ZMIZ2: variants seen among roughly 807,000 people sequenced by gnomAD.
ZMIZ2 encodes the protein zinc finger MIZ-type containing 2.
ZMIZ2 carries 26 observed loss-of-function variants against 93.9 expected under a neutral mutation model. That is an observed-to-expected ratio of 0.28 (90% confidence interval 0.20 to 0.38). ZMIZ2 has a LOEUF of 0.38. Among genes scored for constraint, ZMIZ2 ranks in the 10% least tolerant of loss-of-function variants. The probability of loss-of-function intolerance (pLI) is 1.00; values close to 1 mark genes in which losing one functional copy is unlikely to be tolerated. For synonymous variants in ZMIZ2, 485 were observed against 516.4 expected (o/e 0.94, Z 0.82); for missense variants, 1,023 against 1,235.0 (o/e 0.83, Z 2.57).
Position 44,765,714 on chromosome 7 carries a change from C to T in ZMIZ2, c.2242+135C>T, listed in dbSNP as rs1289429189. ...AGGTTATCAGTGTTGCCACACAAAA[C>T]ATGCCGCGGGGCACCTCCAGCCCCT... On this transcript the variant is annotated intron_variant, in intron 16 of 18. Transcript: ENST00000309315. This position sits in a 1 kb window ranked among gnomAD's most constrained non-coding sequence, Gnocchi z 4.1. 14 of 1,337,626 alleles carry T rather than the reference C, an allele frequency of 1.0e-5. No homozygotes were observed. Among genetic ancestry groups the T allele is most frequent in the Non-Finnish European group, 1.4e-5 (14 of 992,994 alleles). The allele number at this position is 1,337,626 out of a possible 1,614,324, so 82.9% of individuals were successfully genotyped here. A position where few individuals can be genotyped will look rare whatever the true frequency, so the allele number is the denominator to read the frequency against.
In ZMIZ2 at chr7:44,766,115, G is replaced by C. The variant is rs891602799; in HGVS notation, c.2243-49G>C. On this transcript the variant is annotated intron_variant, in intron 16 of 18. Transcript: ENST00000309315. This position sits in a 1 kb window ranked among gnomAD's most constrained non-coding sequence, Gnocchi z 4.4. ...AGCCTCCCTCCTGGCTCCTCTGCCA[G>C]CGGTGGCCTTCCCCAGCCCTCACCC... is the stretch of plus-strand genomic sequence containing the variant. The C allele has an allele frequency of 1.1e-5, 17 of 1,537,850 alleles. No homozygotes were observed. The highest frequency in any genetic ancestry group is 2.8e-5 in the African/African-American group (2 of 72,544).
chr7:44,767,423 C>T (rs948938492), intron 18 of ZMIZ2, 93 bp from the exon 19 acceptor site: 2 of 1,133,712 alleles, frequency 1.8e-6, no homozygotes, highest in African/African-American at 3.1e-5. Context: ...CCCACTGTGC[C>T]TGGAGACAGG....
chr7:44,762,782 C>T (rs1583648033), intron 11 of ZMIZ2, 99 bp from the exon 12 acceptor site: 1 of 833,890 alleles, frequency 1.2e-6, no homozygotes, highest in East Asian at 3.3e-5. Context: ...CCTCCCCCAC[C>T]TGGCAGCCCC....
In ZMIZ2 at chr7:44,767,709, C is replaced by T. The variant is rs915897427; in HGVS notation, c.*86C>T. ...TTCATGCCCAGCCCCATGGGACACC[C>T]GGTGGTCTTTCCCAAACCTCCCCCA... is the stretch of plus-strand genomic sequence containing the variant. On this transcript the variant is annotated 3_prime_UTR_variant, in exon 19 of 19. Transcript: ENST00000309315. 13 of 1,262,422 alleles carry T rather than the reference C, an allele frequency of 1.0e-5. No homozygotes were observed. Among genetic ancestry groups the T allele is most frequent in the African/African-American group, 8.8e-5 (6 of 67,868 alleles). The allele number at this position is 1,262,422 out of a possible 1,614,324, so 78.2% of individuals were successfully genotyped here.
Position 44,761,473 on chromosome 7 carries a change from G to T in ZMIZ2, c.1265G>T (p.Arg422Leu). 1.2e-6 allele frequency: 2 copies of T among 1,613,758 alleles called. No homozygotes were observed. The highest frequency in any genetic ancestry group is 1.7e-6 in the Non-Finnish European group (2 of 1,180,036). The change falls in exon 10 of 19, where the codon CGG becomes CTG. Residue 422 changes from arginine (R) to leucine (L), a missense_variant. Transcript: ENST00000309315. The surrounding 1 kb of genome is among the most constrained non-coding windows in gnomAD (Gnocchi z 5.8). ...GGAAGCGGGCCTTGTGACGAGTTGCGGCTGACCTTCCCTGTGCGCGATGGG... is the reference window on the plus strand; with the variant it reads ...GGAAGCGGGCCTTGTGACGAGTTGCTGCTGACCTTCCCTGTGCGCGATGGG... The part of the protein sequence containing the change: ...PSGSGPCDEL[R>L]LTFPVRDGVV...
At chr7:44,752,231 G>C (rs1472715550) in intron 1 of ZMIZ2, among the ~76,000 whole-genome samples, 2 of 151,638 alleles carry the variant, frequency 1.3e-5, no homozygotes, top group African/African-American at 4.8e-5. Context: ...GGGTTCAAAT[G>C]ATTCTCCTGC....
chr7:44,766,379 A>T lies in ZMIZ2; in HGVS notation c.2413-42A>T, dbSNP rs773500759. ...CCAAGGGGCCCTGTCTCCCCAGGGG[A>T]GCCCCTGAGCTGTTTTAACAAATTC... On this transcript the variant is annotated intron_variant, in intron 17 of 18. Transcript: ENST00000309315. The surrounding 1 kb of genome is among the most constrained non-coding windows in gnomAD (Gnocchi z 4.4). 8.7e-6 allele frequency: 14 copies of T among 1,611,476 alleles called. No homozygotes were observed. In the South Asian group the frequency reaches 1.5e-4, roughly 18 times the overall value.
chr7:44,754,338 G>A (rs1051754930), intron 1 of ZMIZ2, among the ~76,000 whole-genome samples: 2 of 152,172 alleles, frequency 1.3e-5, no homozygotes, highest in Non-Finnish European at 2.9e-5. Context: ...TCCTGGGCAG[G>A]ACTTGGTCTG....
chr7:44,768,677 G>A lies in ZMIZ2; in HGVS notation c.*1054G>A, dbSNP rs1334636655. The A allele has an allele frequency of 6.6e-6, 1 of 152,212 alleles. No individual in the cohort carries two copies. Among genetic ancestry groups the A allele is most frequent in the Non-Finnish European group, 1.5e-5 (1 of 68,110 alleles). The allele number at this position is 152,212 out of a possible 1,614,324, so 9.4% of individuals were successfully genotyped here. On this transcript the variant is annotated 3_prime_UTR_variant, in exon 19 of 19. Coordinates refer to ENST00000309315, the MANE Select transcript of ZMIZ2 (RefSeq NM_031449.4). Reference sequence around the variant, plus strand: ...CTGTCTGTGCCGATCTCTATTAAAGGACTCCCTCTTGGTGGGCCTGGCCGA... The same window carrying A: ...CTGTCTGTGCCGATCTCTATTAAAGAACTCCCTCTTGGTGGGCCTGGCCGA...
rs1376057848 is a variant in ZMIZ2, at chr7:44,759,395, C to T, written c.928C>T (p.Leu310=). Residue 310 remains leucine (L), a synonymous_variant, in exon 7 of 19, where the codon CTG becomes TTG. Transcript: ENST00000309315. ...CTCCCCTTCCTACCCTGGGCACAGGCTGCCCCTGCAGCAGGGCATGACCCA... is the reference window on the plus strand; with the variant it reads ...CTCCCCTTCCTACCCTGGGCACAGGTTGCCCCTGCAGCAGGGCATGACCCA... ...APSPSYPGHR[L]PLQQGMTQSL... is the part of the protein sequence containing the mutation. The T allele has an allele frequency of 6.2e-7, 1 of 1,604,502 alleles. No homozygotes were observed. Among genetic ancestry groups the T allele is most frequent in the Admixed American group, 1.7e-5 (1 of 58,912 alleles).
chr7:44,758,316 C>G (rs548640469), intron 6 of ZMIZ2, among the ~76,000 whole-genome samples: 11 of 151,816 alleles, frequency 7.2e-5, no homozygotes, highest in Middle Eastern at 3.4e-3. Flanking sequence ...CGTGTCTCTA[C>G]AAAAATTAGC....
At chr7:44,757,671 C>T (rs369108210) in intron 5 of ZMIZ2, 110 bp downstream of exon 5, 7 of 1,452,734 alleles carry the variant, frequency 4.8e-6, no homozygotes, top group African/African-American at 4.4e-5. Flanking sequence ...TGCCAGGGCT[C>T]ATGAAGCCAG....
chr7:44,760,101 G>A (rs758325468), intron 7 of ZMIZ2, 50 bp from the exon 8 acceptor site: 68 of 1,609,190 alleles, frequency 4.2e-5, no homozygotes, highest in Non-Finnish European at 5.3e-5. Context: ...CAGGGGGCCC[G>A]GCAGGGGTCA....
chr7:44,764,818 A>AGTTGCCTCACACAGG, intron 14 of ZMIZ2, 123 bp from the exon 15 acceptor site: 1 of 979,650 alleles, frequency 1.0e-6, no homozygotes, highest in Non-Finnish European at 1.5e-6. Context: ...TACCTTGTTC[A>AGTTGCCTCACACAGG]GTTGCCTCAC....
Position 44,757,526 on chromosome 7 carries a change from G to A in ZMIZ2, c.517G>A (p.Glu173Lys), listed in dbSNP as rs781513030. The A allele has an allele frequency of 6.2e-7, 1 of 1,609,230 alleles. No individual in the cohort carries two copies. The highest frequency in any genetic ancestry group is 8.5e-7 in the Non-Finnish European group (1 of 1,178,750). Residue 173 changes from glutamate to lysine, a missense_variant, in exon 5 of 19, where the codon GAG (glutamate) becomes AAG (lysine). By Grantham distance (56) the Glu-to-Lys change is moderately conservative. Around this residue, in one of 3 missense-constraint regions of ZMIZ2, gnomAD observed 656 missense variants for 777.1 expected, o/e 0.84. Coordinates refer to ENST00000309315, the MANE Select transcript of ZMIZ2 (RefSeq NM_031449.4). ...TATATVAALQ[E>K]KQSQELSQYG... ...CACAGCCACCGTGGCTGCTCTCCAG[G>A]AGAAGCAGAGCCAGGAGCTGAGCCA...
chr7:44,764,591 G>C (rs763028570), intron 14 of ZMIZ2, 105 bp downstream of exon 14: 39 of 1,303,036 alleles, frequency 3.0e-5, no homozygotes, highest in Non-Finnish European at 4.1e-5. Context: ...CCTGCTGGGA[G>C]GAGTCACTGC....
Position 44,757,424 on chromosome 7 carries a change from A to G in ZMIZ2, c.415A>G (p.Arg139Gly). The change falls in exon 5 of 19, where the codon AGA (arginine) becomes GGA (glycine). Residue 139 changes from arginine (R) to glycine (G), a missense_variant. By Grantham distance (125) the Arg-to-Gly change is moderately radical. This residue lies in a region of ZMIZ2 where 656 missense variants were observed against 777.1 expected (regional missense o/e 0.84). Coordinates refer to ENST00000309315, the MANE Select transcript of ZMIZ2 (RefSeq NM_031449.4). ...CCTGGGCCTCCCCTCACATGCTGCA[A>G]GACCCTCCACTGACTTCACGCAAGC... The part of the protein sequence containing the change: ...GGLGLPSHAA[R>G]PSTDFTQAAA... 6.2e-7 allele frequency: 1 copy of G among 1,605,110 alleles called. No individual in the cohort carries two copies. Among genetic ancestry groups the G allele is most frequent in the Non-Finnish European group, 8.5e-7 (1 of 1,179,854 alleles).
At chr7:44,757,354 G>C (rs1425241194) in intron 4 of ZMIZ2, 24 bp from the exon 5 acceptor site, 2 of 1,593,282 alleles carry the variant, frequency 1.3e-6, no homozygotes, top group Non-Finnish European at 1.7e-6. Context: ...CGCAGAGAGC[G>C]TGGCAATCCT....
At position 44,764,487 on chromosome 7, in the gene ZMIZ2, G is replaced by A; in HGVS notation, c.1928+1G>A. On this transcript the variant is annotated splice_donor_variant, in intron 14 of 18. Coordinates refer to ENST00000309315, the MANE Select transcript of ZMIZ2 (RefSeq NM_031449.4). LOFTEE classifies it high-confidence loss of function. ...GGACTTGGAGGTGTCCTGTGTGCAA[G>A]TGAGTCTCAGATGCAGCGTGTGATG... 6.2e-7 allele frequency: 1 copy of A among 1,614,174 alleles called. No homozygotes were observed. Among genetic ancestry groups the A allele is most frequent in the South Asian group, 1.1e-5 (1 of 91,082 alleles).
Sources: gnomAD v4.1 joint callset for allele counts (sites outside exome capture counted in the v4.1 genomes callset) on GRCh38, gnomAD v4.1.1 for gene constraint, gnomAD v4.1.1 regional missense constraint, Gnocchi (gnomAD v3.1) non-coding constraint, MANE v1.5 for transcripts, NCBI Gene and HGNC (gene_info 2026-07-23, HGNC 2026-07-21) for gene names.